KLF8: variants seen among roughly 807,000 people sequenced by gnomAD.
The protein encoded by KLF8 is KLF transcription factor 8.
Under a neutral mutation model 18.2 loss-of-function variants are expected in KLF8, and 10 were observed. The ratio of observed to expected loss-of-function variants is 0.55; its 90% CI spans 0.34 to 0.93. KLF8 has a LOEUF of 0.93. Ranked by LOEUF, KLF8 falls within the 40% of genes least tolerant of loss-of-function variation. The pLI, the probability that KLF8 is intolerant of heterozygous loss-of-function variation, is 0.02. For missense variants in KLF8, 264 were observed against 277.9 expected, an observed-to-expected ratio of 0.95 and a Z score of 0.36; for synonymous variants, 109 against 97.3, an observed-to-expected ratio of 1.12 and a Z score of -0.71.
At chrX:56,069,204 C>T in the KLF8 span, among the ~76,000 whole-genome samples, 1 of 111,994 alleles carries the variant, frequency 8.9e-6, no homozygotes, top group South Asian at 3.7e-4. Context: ...TGTGGGAACT[C>T]AGCTGGAGTG....
the KLF8 span, among the ~76,000 whole-genome samples, chrX:55,944,925 G>T: frequency 1.8e-5 from 2 of 110,243 alleles, no homozygotes; most frequent in African/African-American, 6.6e-5. Context: ...GTGATGTTAG[G>T]GTGTCAATTT....
the KLF8 span, among the ~76,000 whole-genome samples, chrX:56,158,955 G>C: frequency 8.9e-6 from 1 of 111,738 alleles, no homozygotes; most frequent in Non-Finnish European, 1.9e-5. Context: ...GGGCATCCCT[G>C]TCTTGTGCCA....
At chrX:56,034,492 GT>G in the KLF8 span, among the ~76,000 whole-genome samples, 249 of 110,761 alleles carry the variant, frequency 2.2e-3, 1 homozygote, top group African/African-American at 7.9e-3. Flanking sequence ...GGCTATTTGG[GT>G]TTTTAAATTT....
At chrX:56,014,675 C>T in the KLF8 span, among the ~76,000 whole-genome samples, 5 of 111,294 alleles carry the variant, frequency 4.5e-5, no homozygotes, top group South Asian at 3.8e-4. Flanking sequence ...GATACATGCA[C>T]GCATATGTGC....
chrX:56,044,711 C>T, the KLF8 span, among the ~76,000 whole-genome samples: 1 of 112,198 alleles, frequency 8.9e-6, no homozygotes, highest in Admixed American at 9.4e-5. Flanking sequence ...CTCCTTCTCA[C>T]CCTGGGAAGT....
the KLF8 span, among the ~76,000 whole-genome samples, chrX:56,073,284 G>A: frequency 0.079 from 8,798 of 111,958 alleles, 837 homozygotes; most frequent in African/African-American, 0.27. Flanking sequence ...ACTGCGCCCG[G>A]CCAGCATTAT....
the KLF8 span, among the ~76,000 whole-genome samples, chrX:56,049,049 A>C: frequency 4.5e-5 from 5 of 111,726 alleles, no homozygotes; most frequent in Non-Finnish European, 1.9e-5. Context: ...GAGTTCACTC[A>C]TGATTTGGCT....
At chrX:56,187,075 G>A in the KLF8 span, among the ~76,000 whole-genome samples, 2 of 111,475 alleles carry the variant, frequency 1.8e-5, no homozygotes, top group South Asian at 7.6e-4. Context: ...AAAAATTAAT[G>A]AATCTAGGAG....
the KLF8 span, among the ~76,000 whole-genome samples, chrX:55,923,705 CGTGTGTGTGTGTGT>C: frequency 0.5 from 49,255 of 97,841 alleles, 11,444 homozygotes; most frequent in East Asian, 0.74. Flanking sequence ...TAAAGATCCA[CGTGTGTGTGTGTGT>C]GTGTGTGTGT....
chrX:55,945,810 T>C, the KLF8 span, among the ~76,000 whole-genome samples: 2 of 111,010 alleles, frequency 1.8e-5, no homozygotes, highest in African/African-American at 3.3e-5. Flanking sequence ...AAAAAATCAA[T>C]GTACAAAAAT....
At chrX:56,173,580 G>A in the KLF8 span, among the ~76,000 whole-genome samples, 6 of 111,732 alleles carry the variant, frequency 5.4e-5, no homozygotes, top group South Asian at 1.1e-3. Context: ...TAGGCAATGC[G>A]GGCTCTTTTT....
At chrX:56,258,304 G>A (rs2066828295) in intron 2 of KLF8, among the ~76,000 whole-genome samples, 1 of 112,211 alleles carries the variant, frequency 8.9e-6, no homozygotes, top group African/African-American at 3.2e-5. Flanking sequence ...ATGGAGTCTT[G>A]CTCTGTCACC....
chrX:56,253,764 C>CTTTTTCT (rs1445253255), intron 2 of KLF8, among the ~76,000 whole-genome samples: 1 of 60,112 alleles, frequency 1.7e-5, no homozygotes, highest in African/African-American at 7.2e-5. Flanking sequence ...TTTTCTTTTT[C>CTTTTTCT]TTTTTTTTTT....
chrX:55,951,902 A>G, the KLF8 span, among the ~76,000 whole-genome samples: 1 of 111,618 alleles, frequency 9.0e-6, no homozygotes. Flanking sequence ...TAATTGCCCC[A>G]GGTGACTGAG....
the KLF8 span, among the ~76,000 whole-genome samples, chrX:56,086,911 G>A: frequency 9.0e-6 from 1 of 111,621 alleles, no homozygotes; most frequent in Admixed American, 9.5e-5. Context: ...TATACACTAA[G>A]CACCAAAGGA....
At chrX:56,058,279 CATATATATATATATATATATAT>C in the KLF8 span, among the ~76,000 whole-genome samples, 2 of 7,302 alleles carry the variant, frequency 2.7e-4, no homozygotes, top group African/African-American at 3.2e-4. Context: ...CATATATATA[CATATATATATATATATATATAT>C]ATATATATAT....
At chrX:56,046,764 A>AT in the KLF8 span, among the ~76,000 whole-genome samples, 4 of 111,333 alleles carry the variant, frequency 3.6e-5, no homozygotes, top group Admixed American at 1.9e-4. Context: ...AATCTAATAC[A>AT]TTTTTTATAG....
the KLF8 span, among the ~76,000 whole-genome samples, chrX:56,186,882 A>G: frequency 8.9e-6 from 1 of 112,269 alleles, no homozygotes; most frequent in African/African-American, 3.2e-5. Context: ...AGCAGTGTGT[A>G]GAAGGAAATT....
the KLF8 span, among the ~76,000 whole-genome samples, chrX:55,941,432 G>C: frequency 9.0e-6 from 1 of 111,566 alleles, no homozygotes; most frequent in African/African-American, 3.3e-5. Flanking sequence ...AGAAAACCTA[G>C]GCATTACCAT....
Sources: allele counts gnomAD v4.1 joint callset (sites outside exome capture counted in the v4.1 genomes callset), GRCh38; gene constraint gnomAD v4.1.1; transcripts MANE v1.5; gene names NCBI Gene and HGNC (gene_info 2026-07-23, HGNC 2026-07-21).